Variants in LRRTM4 observed in about 807,000 individuals in gnomAD.
The protein encoded by LRRTM4 is leucine rich repeat transmembrane neuronal 4, also known as leucine-rich repeat transmembrane neuronal protein 4.
A neutral mutation model predicts 47.6 loss-of-function variants in LRRTM4; 25 were observed. That is an observed-to-expected ratio of 0.53 (90% CI 0.38 to 0.73). LRRTM4 has a LOEUF of 0.73. Ranked by LOEUF, LRRTM4 falls within the 30% of genes least tolerant of loss-of-function variation. The pLI is 0.00. For missense variants in LRRTM4, 638 were observed against 713.4 expected, an observed-to-expected ratio of 0.89 and a Z score of 1.20; for synonymous variants, 311 against 269.5, an observed-to-expected ratio of 1.15 and a Z score of -1.51.
intron 3 of LRRTM4, among the ~76,000 whole-genome samples, chr2:77,380,107 T>C (rs1236973944): frequency 6.6e-6 from 1 of 152,166 alleles, no homozygotes; most frequent in Non-Finnish European, 1.5e-5. Context: ...TATGACTGAT[T>C]TTGACTTACA....
chr2:77,327,250 A>C (rs1473711838), intron 3 of LRRTM4, among the ~76,000 whole-genome samples: 1 of 152,208 alleles, frequency 6.6e-6, no homozygotes, highest in Non-Finnish European at 1.5e-5. Context: ...ATACGGTATA[A>C]AATATAAAAA....
At chr2:76,874,259 T>C (rs970218836) in intron 3 of LRRTM4, among the ~76,000 whole-genome samples, 1 of 152,008 alleles carries the variant, frequency 6.6e-6, no homozygotes, top group African/African-American at 2.4e-5. Context: ...TCTACAAGCA[T>C]AGTCTTGTGA....
chr2:76,889,805 A>G (rs1453486916), intron 3 of LRRTM4, among the ~76,000 whole-genome samples: 2 of 151,800 alleles, frequency 1.3e-5, no homozygotes, highest in African/African-American at 2.4e-5. Context: ...AGAGGCAAAT[A>G]ATAGAGTAGA....
At chr2:77,089,857 G>A (rs1019337673) in intron 3 of LRRTM4, among the ~76,000 whole-genome samples, 6 of 152,104 alleles carry the variant, frequency 3.9e-5, no homozygotes, top group Non-Finnish European at 7.4e-5. Context: ...TCGTAAAATA[G>A]GCAAACGGTC....
intron 3 of LRRTM4, among the ~76,000 whole-genome samples, chr2:77,498,039 G>GT (rs1678427959): frequency 6.6e-6 from 1 of 151,780 alleles, no homozygotes; most frequent in East Asian, 1.9e-4. Context: ...ACTAAACATG[G>GT]CAGGGCTAGT....
intron 3 of LRRTM4, among the ~76,000 whole-genome samples, chr2:77,396,709 A>T (rs942722047): frequency 3.3e-5 from 5 of 151,962 alleles, no homozygotes; most frequent in African/African-American, 1.2e-4. Flanking sequence ...TGGTGGAACT[A>T]GGCAATATAT....
In LRRTM4 at chr2:76,787,084, G is replaced by A. The variant is rs1674712247; in HGVS notation, c.1552-38168C>T. Among the ~76,000 whole-genome samples, 6 of 151,886 alleles carry A rather than the reference G, an allele frequency of 4.0e-5. 1 individual carries two copies. The South Asian group carries it at 1.2e-3, about 32-fold the overall frequency. On this transcript the variant is annotated intron_variant, in intron 3 of 3. Coordinates refer to ENST00000409884, the MANE Select transcript of LRRTM4 (RefSeq NM_001134745.3). ...AATTCCCACTTTGTTATTAATATCT[G>A]GAGAAAGACAATACATGTGGCAAGG...
intron 3 of LRRTM4, among the ~76,000 whole-genome samples, chr2:77,319,946 C>T (rs1039906958): frequency 6.6e-6 from 1 of 152,168 alleles, no homozygotes; most frequent in African/African-American, 2.4e-5. Context: ...GCGTTGTTCA[C>T]TTAGAAGTTA....
chr2:77,507,266 C>A (rs1452689376), intron 3 of LRRTM4, among the ~76,000 whole-genome samples: 1 of 151,986 alleles, frequency 6.6e-6, no homozygotes, highest in African/African-American at 2.4e-5. Flanking sequence ...AGGATAAAAT[C>A]ATATATTTGC....
intron 3 of LRRTM4, among the ~76,000 whole-genome samples, chr2:77,385,363 T>C (rs1024973781): frequency 4.6e-5 from 7 of 152,104 alleles, no homozygotes; most frequent in African/African-American, 1.7e-4. Flanking sequence ...GAGAAAAGAA[T>C]AGTGTTTACT....
chr2:76,880,935 T>C (rs1024238769), intron 3 of LRRTM4, among the ~76,000 whole-genome samples: 2 of 151,960 alleles, frequency 1.3e-5, no homozygotes, highest in Admixed American at 1.3e-4. Flanking sequence ...GATACAAGAG[T>C]CTGGGAAGGG....
chr2:76,973,179 G>A (rs1231471423), intron 3 of LRRTM4, among the ~76,000 whole-genome samples: 1 of 151,914 alleles, frequency 6.6e-6, no homozygotes, highest in Non-Finnish European at 1.5e-5. Context: ...CAAAGAGTTG[G>A]AAGATCAGTG....
chr2:77,100,761 T>C (rs1032288121), intron 3 of LRRTM4, among the ~76,000 whole-genome samples: 1 of 152,046 alleles, frequency 6.6e-6, no homozygotes, highest in Admixed American at 6.6e-5. Flanking sequence ...AATAATGGTA[T>C]GGTAGTCATC....
At chr2:76,804,214 T>A (rs528020211) in intron 3 of LRRTM4, among the ~76,000 whole-genome samples, 10 of 152,336 alleles carry the variant, frequency 6.6e-5, no homozygotes, top group Admixed American at 4.6e-4. Context: ...AGAGTGATAA[T>A]ACCTTTGTTG....
chr2:76,995,988 A>G (rs13004115), intron 3 of LRRTM4, among the ~76,000 whole-genome samples: 14,666 of 152,066 alleles, frequency 0.096, 960 homozygotes, highest in Non-Finnish European at 0.14. Flanking sequence ...ATAATGTAGT[A>G]TTTTTTAAAA....
At chr2:76,762,383 G>C (rs1378630547) in intron 3 of LRRTM4, among the ~76,000 whole-genome samples, 1 of 151,928 alleles carries the variant, frequency 6.6e-6, no homozygotes, top group Non-Finnish European at 1.5e-5. Flanking sequence ...TATTATTTTT[G>C]TTTTTCTTTG....
intron 3 of LRRTM4, among the ~76,000 whole-genome samples, chr2:76,972,717 GC>G (rs983629724): frequency 9.3e-4 from 141 of 152,076 alleles, no homozygotes; most frequent in African/African-American, 3.2e-3. Context: ...ACAACGCCCA[GC>G]CTGAACAACT....
intron 3 of LRRTM4, among the ~76,000 whole-genome samples, chr2:77,263,271 T>G (rs1675966684): frequency 6.6e-6 from 1 of 152,104 alleles, no homozygotes; most frequent in Non-Finnish European, 1.5e-5. Context: ...CTCTCCCATC[T>G]GGCTGTTCCC....
At chr2:77,032,330 A>G (rs1214086084) in intron 3 of LRRTM4, among the ~76,000 whole-genome samples, 1 of 152,146 alleles carries the variant, frequency 6.6e-6, no homozygotes, top group Non-Finnish European at 1.5e-5. Flanking sequence ...AAACAAAATA[A>G]CAACTCCAAG....
Sources: allele counts gnomAD v4.1 joint callset (sites outside exome capture counted in the v4.1 genomes callset), GRCh38; gene constraint gnomAD v4.1.1; transcripts MANE v1.5; gene names NCBI Gene and HGNC (gene_info 2026-07-23, HGNC 2026-07-21).